PXDNL: variants seen among roughly 807,000 people sequenced by gnomAD.
The protein encoded by PXDNL is probable oxidoreductase PXDNL.
A neutral mutation model predicts 150.8 loss-of-function variants in PXDNL; 145 were observed. That is an observed-to-expected ratio of 0.96 (90% CI 0.84 to 1.10). PXDNL has a LOEUF of 1.10. Ranked by LOEUF, PXDNL falls within the 50% of genes least tolerant of loss-of-function variation. PXDNL has a pLI of 0.00. For synonymous variants in PXDNL, 757 were observed against 725.7 expected (o/e 1.04, Z -0.69); for missense variants, 2,087 against 1,873.9 (o/e 1.11, Z -2.10).
chr8:51,580,488 T>G (rs2130624437), intron 3 of PXDNL, among the ~76,000 whole-genome samples: 1 of 152,158 alleles, frequency 6.6e-6, no homozygotes, highest in East Asian at 1.9e-4. Flanking sequence ...AATTCCATTC[T>G]CTGGAACTAC....
chr8:51,580,874 TTCATGAAATAGATGCATA>T (rs1813195770), intron 3 of PXDNL, among the ~76,000 whole-genome samples: 1 of 152,184 alleles, frequency 6.6e-6, no homozygotes, highest in Admixed American at 6.5e-5. Flanking sequence ...CTGCTGGCTG[TTCATGAAATAGATGCATA>T]ATAGAAGGCA....
intron 17 of PXDNL, among the ~76,000 whole-genome samples, chr8:51,384,886 A>G (rs1197177469): frequency 6.6e-6 from 1 of 152,178 alleles, no homozygotes; most frequent in Non-Finnish European, 1.5e-5. Context: ...ATAATCATCT[A>G]TACTTTGTTT....
chr8:51,733,949 G>A (rs1244664888), intron 1 of PXDNL, among the ~76,000 whole-genome samples: 1 of 150,978 alleles, frequency 6.6e-6, no homozygotes, highest in African/African-American at 2.4e-5. Context: ...TAACATATCT[G>A]CAAAAGAATA....
intron 2 of PXDNL, among the ~76,000 whole-genome samples, chr8:51,649,867 C>G (rs769589855): frequency 1.3e-5 from 2 of 151,816 alleles, no homozygotes; most frequent in Non-Finnish European, 2.9e-5. Context: ...TTTGGGAGGC[C>G]GAGGTGGGTG....
At chr8:51,446,933 T>C in intron 12 of PXDNL, 71 bp downstream of exon 12, 1 of 1,347,070 alleles carries the variant, frequency 7.4e-7, no homozygotes, top group Non-Finnish European at 1.1e-6. Flanking sequence ...ATAAGATCCC[T>C]GTCAGGTGTG....
chr8:51,632,871 GT>G (rs1157864269), intron 2 of PXDNL, among the ~76,000 whole-genome samples: 1 of 151,578 alleles, frequency 6.6e-6, no homozygotes. Context: ...TTTGTTTTTT[GT>G]TTTGTTTTGT....
intron 4 of PXDNL, among the ~76,000 whole-genome samples, chr8:51,555,433 T>C (rs1022457857): frequency 6.6e-6 from 1 of 152,180 alleles, no homozygotes; most frequent in Admixed American, 6.5e-5. Context: ...ATAGCAGTCA[T>C]GTAAAAGGAA....
intron 5 of PXDNL, among the ~76,000 whole-genome samples, chr8:51,487,908 T>A (rs1336069456): frequency 2.0e-5 from 3 of 152,198 alleles, no homozygotes; most frequent in African/African-American, 7.2e-5. Context: ...AAAGAACCAT[T>A]CTAGGCATTG....
At chr8:51,391,190 C>T (rs987151770) in intron 17 of PXDNL, among the ~76,000 whole-genome samples, 4 of 152,200 alleles carry the variant, frequency 2.6e-5, no homozygotes, top group South Asian at 4.1e-4. Context: ...TGAATAGTGC[C>T]GCAATAAACA....
At chr8:51,668,269 G>T (rs1351570970) in intron 1 of PXDNL, among the ~76,000 whole-genome samples, 1 of 138,334 alleles carries the variant, frequency 7.2e-6, no homozygotes, top group Non-Finnish European at 1.5e-5. Context: ...CTGCTTCCTG[G>T]GTTCAAGCAA....
chr8:51,473,742 AT>A (rs1244487524), intron 7 of PXDNL, among the ~76,000 whole-genome samples: 11 of 141,716 alleles, frequency 7.8e-5, no homozygotes, highest in Admixed American at 5.5e-4. Context: ...TTAATGTCTA[AT>A]TTAAAAAAAA....
chr8:51,797,581 C>T (rs1419409545), intron 1 of PXDNL, among the ~76,000 whole-genome samples: 2 of 152,088 alleles, frequency 1.3e-5, no homozygotes, highest in Admixed American at 6.5e-5. Context: ...ACAATTGCTA[C>T]AAAGAGAATA....
chr8:51,674,430 G>A (rs1815562620), intron 1 of PXDNL, among the ~76,000 whole-genome samples: 1 of 152,206 alleles, frequency 6.6e-6, no homozygotes, highest in South Asian at 2.1e-4. Context: ...ATAATTAGAT[G>A]TCATGAATTT....
At chr8:51,522,730 G>A (rs1811687666) in intron 4 of PXDNL, among the ~76,000 whole-genome samples, 2 of 152,150 alleles carry the variant, frequency 1.3e-5, no homozygotes, top group African/African-American at 4.8e-5. Context: ...TGTAATCCCA[G>A]CTACTAGGGA....
chr8:51,368,446 T>C (rs890827655), intron 19 of PXDNL, among the ~76,000 whole-genome samples: 1 of 152,100 alleles, frequency 6.6e-6, no homozygotes, highest in African/African-American at 2.4e-5. Context: ...TCTCCAGGAT[T>C]TTAAAAAAAT....
In PXDNL at chr8:51,551,958, G is replaced by A. The variant is rs143358319; in HGVS notation, c.380+4882C>T. Among the ~76,000 whole-genome samples the A allele has an allele frequency of 3.5e-4, 54 of 152,130 alleles. 1 individual carries two copies. Among genetic ancestry groups the A allele is most frequent in the African/African-American group, 1.2e-3 (51 of 41,510 alleles). On this transcript the variant is annotated intron_variant, in intron 4 of 22. Coordinates refer to ENST00000356297, the MANE Select transcript of PXDNL (RefSeq NM_144651.5). ...AGGACTAACATCCAGAATCTATAAG[G>A]GAACTAAAACAAATCAGTCAGAAAA...
At chr8:51,369,992 C>A (rs943131527) in intron 19 of PXDNL, among the ~76,000 whole-genome samples, 1 of 152,188 alleles carries the variant, frequency 6.6e-6, no homozygotes, top group African/African-American at 2.4e-5. Flanking sequence ...GGCCTGCTCA[C>A]TGTCTCTGTG....
At chr8:51,684,396 A>T (rs1025647189) in intron 1 of PXDNL, among the ~76,000 whole-genome samples, 5 of 152,196 alleles carry the variant, frequency 3.3e-5, no homozygotes, top group African/African-American at 1.2e-4. Context: ...AGATTCCCAT[A>T]TCCTCAACTT....
At chr8:51,639,312 A>G (rs1814686115) in intron 2 of PXDNL, among the ~76,000 whole-genome samples, 1 of 152,204 alleles carries the variant, frequency 6.6e-6, no homozygotes, top group Non-Finnish European at 1.5e-5. Context: ...ACGAGCAAAC[A>G]CATTCAAAAG....
Sources: gnomAD v4.1 joint callset for allele counts (sites outside exome capture counted in the v4.1 genomes callset) on GRCh38, gnomAD v4.1.1 for gene constraint, MANE v1.5 for transcripts, NCBI Gene and HGNC (gene_info 2026-07-23, HGNC 2026-07-21) for gene names.